LHFPL2: variants seen among roughly 807,000 people sequenced by gnomAD.
LHFPL2 encodes LHFPL tetraspan subfamily member 2 protein.
In LHFPL2, 7 loss-of-function variants were observed where a neutral mutation model predicts 17.5. That is an observed-to-expected ratio of 0.40 (90% CI 0.23 to 0.75). The LOEUF (loss-of-function observed/expected upper bound fraction) is 0.75. Ranked by LOEUF, LHFPL2 falls within the 30% of genes least tolerant of loss-of-function variation. The pLI, the probability that LHFPL2 is intolerant of heterozygous loss-of-function variation, is 0.37. For missense variants in LHFPL2, 241 were observed against 294.8 expected, an observed-to-expected ratio of 0.82 and a Z score of 1.34; for synonymous variants, 134 against 116.2, an observed-to-expected ratio of 1.15 and a Z score of -0.99.
At chr5:78,555,526 G>A (rs1308832377) in intron 3 of LHFPL2, among the ~76,000 whole-genome samples, 1 of 152,260 alleles carries the variant, frequency 6.6e-6, no homozygotes, top group Non-Finnish European at 1.5e-5. Context: ...CCAATGGGAT[G>A]TGGGCAGAGG....
chr5:78,631,757 G>A (rs145030317), intron 2 of LHFPL2, among the ~76,000 whole-genome samples: 4,306 of 152,168 alleles, frequency 0.028, 228 homozygotes, highest in African/African-American at 0.098. Context: ...CCAATATGGC[G>A]AAACCTTGTC....
At chr5:78,571,171 C>G (rs1455992333) in intron 2 of LHFPL2, among the ~76,000 whole-genome samples, 1 of 152,160 alleles carries the variant, frequency 6.6e-6, no homozygotes, top group Non-Finnish European at 1.5e-5. Flanking sequence ...CTCATCTGTC[C>G]TGGAGTTTGC....
At chr5:78,569,249 G>A (rs998853452) in intron 2 of LHFPL2, among the ~76,000 whole-genome samples, 3 of 152,152 alleles carry the variant, frequency 2.0e-5, no homozygotes, top group African/African-American at 7.2e-5. Context: ...TACCTGACTA[G>A]GAAGAGCTCA....
chr5:78,552,434 T>C (rs1174962478), intron 3 of LHFPL2, among the ~76,000 whole-genome samples: 1 of 152,232 alleles, frequency 6.6e-6, no homozygotes, highest in African/African-American at 2.4e-5. Flanking sequence ...CGCCTGGCCA[T>C]GTCAGTGATA....
intron 3 of LHFPL2, among the ~76,000 whole-genome samples, chr5:78,522,382 G>A (rs1482855010): frequency 6.6e-6 from 1 of 152,152 alleles, no homozygotes; most frequent in Non-Finnish European, 1.5e-5. Flanking sequence ...AGGTTGCAGT[G>A]AGCCGAGATC....
chr5:78,580,613 C>T (rs1272559699), intron 2 of LHFPL2, among the ~76,000 whole-genome samples: 1 of 127,028 alleles, frequency 7.9e-6, no homozygotes, highest in Non-Finnish European at 1.9e-5. Flanking sequence ...ATCCTTTCCC[C>T]ATTGCTTGTT....
Position 78,489,147 on chromosome 5 carries a change from A to C in LHFPL2, c.437T>G (p.Phe146Cys). 6.2e-7 allele frequency: 1 copy of C among 1,614,170 alleles called. No individual in the cohort carries two copies. Among genetic ancestry groups the C allele is most frequent in the Non-Finnish European group, 8.5e-7 (1 of 1,180,010 alleles). ...GTAGAGTATCAAACCGAGGATAAGG[A>C]ATAGACCTGCAGAACAAAAGAGAAA... is the stretch of plus-strand genomic sequence containing the variant. ...CGLLQGIAGL[F>C]LILGLILYPA... The change falls in exon 5 of 5, where the codon TTC (phenylalanine) becomes TGC (cysteine). Residue 146 changes from phenylalanine to cysteine, a missense_variant. By Grantham distance (205) the Phe-to-Cys change is radical. Transcript: ENST00000380345.
chr5:78,598,791 G>A (rs917574772), intron 2 of LHFPL2, among the ~76,000 whole-genome samples: 1 of 152,150 alleles, frequency 6.6e-6, no homozygotes, highest in Non-Finnish European at 1.5e-5. Context: ...ATTCTCAAAT[G>A]AGAACAATGA....
intron 2 of LHFPL2, among the ~76,000 whole-genome samples, chr5:78,609,599 A>C (rs1291306223): frequency 6.6e-6 from 1 of 152,136 alleles, no homozygotes; most frequent in Admixed American, 6.5e-5. Context: ...TTGTGAAGAA[A>C]AGAAAACAGT....
intron 4 of LHFPL2, chr5:78,491,411 A>G (rs542912773): frequency 2.0e-5 from 3 of 152,608 alleles, no homozygotes; most frequent in East Asian, 3.8e-4. Context: ...AGAAATGACC[A>G]GCAGCCAGTT....
At chr5:78,644,096 G>C (rs539455755) in intron 1 of LHFPL2, among the ~76,000 whole-genome samples, 25 of 151,878 alleles carry the variant, frequency 1.6e-4, no homozygotes, top group African/African-American at 5.6e-4. Flanking sequence ...ACCAGCACAG[G>C]GTATCTAAAG....
At chr5:78,616,275 C>A (rs566475183) in intron 2 of LHFPL2, among the ~76,000 whole-genome samples, 6 of 152,170 alleles carry the variant, frequency 3.9e-5, no homozygotes, top group African/African-American at 1.4e-4. Flanking sequence ...TACTGGTGCC[C>A]GCCACCTCAC....
rs556038908 is a variant in LHFPL2, at chr5:78,512,291, T to C, written c.-185-1893A>G. 2.0e-4 allele frequency among the ~76,000 whole-genome samples: 30 copies of C among 152,028 alleles called. No homozygotes were observed. The South Asian group carries it at 6.2e-3, about 32-fold the overall frequency. On this transcript the variant is annotated intron_variant, in intron 3 of 4. Coordinates refer to ENST00000380345, the MANE Select transcript of LHFPL2 (RefSeq NM_005779.3). ...CTTGCAGCCTTCAAGGGCAGAGTCC[T>C]GGTCTTCCTGTTTCCCCACTACCTA... is the stretch of plus-strand genomic sequence containing the variant.
At chr5:78,586,168 C>T (rs955901996) in intron 2 of LHFPL2, among the ~76,000 whole-genome samples, 1 of 152,158 alleles carries the variant, frequency 6.6e-6, no homozygotes, top group African/African-American at 2.4e-5. Context: ...TGGTAACTGT[C>T]CACTTTCCTC....
rs987235483 is a variant in LHFPL2 at position 78,486,998 on chromosome 5, G to A, written c.*1899C>T. 1 of 152,164 alleles carries A rather than the reference G, an allele frequency of 6.6e-6. No homozygotes were observed. Among genetic ancestry groups the A allele is most frequent in the African/African-American group, 2.4e-5 (1 of 41,438 alleles). 9.4% of individuals were successfully genotyped at this position (152,164 alleles called of 1,614,324 possible). A position where few individuals can be genotyped will look rare whatever the true frequency, so the allele number is the denominator to read the frequency against. ...CACAGAGACAGAAGCTTTGTCCAGT[G>A]GCTCCTCCAGCCTCTTTCTGTGTGG... On this transcript the variant is annotated 3_prime_UTR_variant, in exon 5 of 5. Transcript: ENST00000380345.
At chr5:78,544,213 A>G (rs966543974) in intron 3 of LHFPL2, among the ~76,000 whole-genome samples, 5 of 152,176 alleles carry the variant, frequency 3.3e-5, no homozygotes, top group Non-Finnish European at 7.4e-5. Context: ...TCAACACCCC[A>G]GCTGCTGTAG....
intron 2 of LHFPL2, among the ~76,000 whole-genome samples, chr5:78,605,912 G>A (rs574980593): frequency 2.0e-5 from 3 of 152,242 alleles, no homozygotes; most frequent in Non-Finnish European, 2.9e-5. Flanking sequence ...TAACCCTCAC[G>A]ATCCCCATAT....
At chr5:78,583,184 A>C (rs1355234027) in intron 2 of LHFPL2, among the ~76,000 whole-genome samples, 1 of 151,128 alleles carries the variant, frequency 6.6e-6, no homozygotes, top group Non-Finnish European at 1.5e-5. Flanking sequence ...GTCTCTGCAC[A>C]TGAGATGGGT....
chr5:78,513,265 G>C (rs1249278901), intron 3 of LHFPL2, among the ~76,000 whole-genome samples: 1 of 152,138 alleles, frequency 6.6e-6, no homozygotes, highest in African/African-American at 2.4e-5. Flanking sequence ...TGGGACATCT[G>C]GGCTTAGCAA....
Sources: gnomAD v4.1 joint callset for allele counts (sites outside exome capture counted in the v4.1 genomes callset) on GRCh38, gnomAD v4.1.1 for gene constraint, MANE v1.5 for transcripts, NCBI Gene and HGNC (gene_info 2026-07-23, HGNC 2026-07-21) for gene names.